The following DNAJC11 variants were observed in gnomAD, a reference collection of about 807,000 sequenced individuals.
The protein encoded by DNAJC11 is dnaJ homolog subfamily C member 11.
A neutral mutation model predicts 78.6 loss-of-function variants in DNAJC11; 15 were observed. The ratio of observed to expected loss-of-function variants is 0.19; its 90% CI spans 0.13 to 0.29. The LOEUF (loss-of-function observed/expected upper bound fraction) is 0.29. DNAJC11 is among the 10% of genes least tolerant of loss of function. The pLI, the probability that DNAJC11 is intolerant of heterozygous loss-of-function variation, is 1.00. For missense variants in DNAJC11, 547 were observed against 709.6 expected, an observed-to-expected ratio of 0.77 and a Z score of 2.60; for synonymous variants, 292 against 272.1, an observed-to-expected ratio of 1.07 and a Z score of -0.72.
At chr1:6,676,968 G>C (rs543457220) in intron 3 of DNAJC11, among the ~76,000 whole-genome samples, 87 of 152,152 alleles carry the variant, frequency 5.7e-4, no homozygotes, top group African/African-American at 2.0e-3. Flanking sequence ...GAGGTCAGGA[G>C]TTCGAGACCA....
rs148115773 is a variant in DNAJC11, at chr1:6,691,233, C to T, written c.73-10196G>A. Reference sequence around the variant, plus strand: ...GGAAGCACATCACCTGTAAGGTTTACGGGGCAGAGAAGGAATCAGGTCTTG... The same window carrying T: ...GGAAGCACATCACCTGTAAGGTTTATGGGGCAGAGAAGGAATCAGGTCTTG... On this transcript the variant is annotated intron_variant, in intron 1 of 15. Transcript: ENST00000377577. 3.7e-4 allele frequency among the ~76,000 whole-genome samples: 54 copies of T among 147,842 alleles called. 1 individual carries two copies. Among genetic ancestry groups the T allele is most frequent in the Middle Eastern group, 7.1e-3 (2 of 280 alleles).
At chr1:6,664,517 C>T (rs922576870) in intron 4 of DNAJC11, among the ~76,000 whole-genome samples, 10 of 152,114 alleles carry the variant, frequency 6.6e-5, no homozygotes, top group Non-Finnish European at 2.9e-5. Context: ...GGATTACAAG[C>T]GTGAGCCACT....
chr1:6,688,248 A>G (rs1438116909), intron 1 of DNAJC11, among the ~76,000 whole-genome samples: 1 of 152,210 alleles, frequency 6.6e-6, no homozygotes, highest in Non-Finnish European at 1.5e-5. Flanking sequence ...CTGAGGATAA[A>G]GGCATATGTT....
At chr1:6,664,633 A>G (rs1642268692) in intron 4 of DNAJC11, among the ~76,000 whole-genome samples, 1 of 152,154 alleles carries the variant, frequency 6.6e-6, no homozygotes, top group Non-Finnish European at 1.5e-5. Flanking sequence ...CCACCACCAC[A>G]TTTAGTTCTG....
chr1:6,643,428 A>G (rs1378419126), intron 10 of DNAJC11, among the ~76,000 whole-genome samples: 1 of 151,916 alleles, frequency 6.6e-6, no homozygotes, highest in African/African-American at 2.4e-5. Flanking sequence ...GGCGCCCGCC[A>G]CCACGCCCGG....
Position 6,675,226 on chromosome 1 carries a change from G to A in DNAJC11, c.276+3168C>T, listed in dbSNP as rs2294527. Among the ~76,000 whole-genome samples the A allele has an allele frequency of 3.3e-5, 5 of 151,358 alleles. No individual in the cohort carries two copies. The East Asian group carries it at 7.7e-4, about 23-fold the overall frequency. On this transcript the variant is annotated intron_variant, in intron 3 of 15. Coordinates refer to ENST00000377577, the MANE Select transcript of DNAJC11 (RefSeq NM_018198.4). ...CATATCCGAGTAAATATCTGGGGAG[G>A]TGTCTTCATTTAGTTTTCTTTGAAA...
chr1:6,680,889 A>C lies in DNAJC11; in HGVS notation c.202+19T>G, dbSNP rs1642540716. 6.2e-7 allele frequency: 1 copy of C among 1,605,298 alleles called. No homozygotes were observed. Among genetic ancestry groups the C allele is most frequent in the African/African-American group, 1.3e-5 (1 of 74,558 alleles). ...ATCTGTTACCAGGATGTTTCTACAA[A>C]GTCCGGCCCTCCACTGACCTTCATA... On this transcript the variant is annotated intron_variant, in intron 2 of 15. Transcript: ENST00000377577. This position sits in a 1 kb window ranked among gnomAD's most constrained non-coding sequence, Gnocchi z 4.0.
intron 15 of DNAJC11, 21 bp from the exon 16 acceptor site, chr1:6,635,721 G>A (rs370450796): frequency 1.1e-4 from 184 of 1,613,954 alleles, no homozygotes; most frequent in Non-Finnish European, 1.5e-4. Context: ...AAAGACAGAC[G>A]CAGGTGATCA....
intron 4 of DNAJC11, among the ~76,000 whole-genome samples, chr1:6,658,316 G>C (rs889707874): frequency 1.3e-5 from 2 of 152,220 alleles, no homozygotes; most frequent in African/African-American, 4.8e-5. Flanking sequence ...AAACGAATGA[G>C]ACAATTACTA....
chr1:6,651,689 T>C, intron 6 of DNAJC11, 87 bp from the exon 7 acceptor site: 3 of 953,206 alleles, frequency 3.1e-6, no homozygotes, highest in Non-Finnish European at 5.0e-6. Context: ...CTAGGTATAA[T>C]TCCTTCATTC....
chr1:6,652,747 T>G (rs188438305), intron 6 of DNAJC11, 82 bp downstream of exon 6: 34 of 1,582,664 alleles, frequency 2.1e-5, no homozygotes, highest in Non-Finnish European at 2.8e-5. Context: ...CAGGGTGAGT[T>G]TGAGGGTGAG....
At chr1:6,667,432 C>A (rs555136911) in intron 4 of DNAJC11, among the ~76,000 whole-genome samples, 8 of 152,030 alleles carry the variant, frequency 5.3e-5, no homozygotes, top group Admixed American at 2.0e-4. Flanking sequence ...ATCTGCTTGG[C>A]GAAACTCCCA....
At chr1:6,666,341 G>A (rs200449) in intron 4 of DNAJC11, among the ~76,000 whole-genome samples, 78,769 of 150,558 alleles carry the variant, frequency 0.52, 20,972 homozygotes, top group Admixed American at 0.62. Flanking sequence ...TTATCTTACT[G>A]TGCATCCCAG....
intron 10 of DNAJC11, among the ~76,000 whole-genome samples, chr1:6,640,798 C>G (rs886431339): frequency 6.6e-6 from 1 of 152,038 alleles, no homozygotes; most frequent in Non-Finnish European, 1.5e-5. Flanking sequence ...GCCTGGTCAA[C>G]AAGAGGAAAA....
At chr1:6,637,645 G>C in intron 12 of DNAJC11, 141 bp from the exon 13 acceptor site, 1 of 895,428 alleles carries the variant, frequency 1.1e-6, no homozygotes, top group South Asian at 1.5e-5. Flanking sequence ...CACCCTGACA[G>C]CTCTGCTACC....
intron 14 of DNAJC11, among the ~76,000 whole-genome samples, chr1:6,636,632 G>C (rs1487082787): frequency 6.6e-6 from 1 of 152,172 alleles, no homozygotes; most frequent in Non-Finnish European, 1.5e-5. Flanking sequence ...ATGAAGGCAG[G>C]CGTGTGTTCT....
intron 14 of DNAJC11, 35 bp downstream of exon 14, chr1:6,637,163 G>A: frequency 1.9e-6 from 3 of 1,613,106 alleles, no homozygotes; most frequent in Non-Finnish European, 2.5e-6. Flanking sequence ...TCAAATCTGT[G>A]AGCACATAGC....
rs761564652 is a variant in DNAJC11 at position 6,639,990 on chromosome 1, T to C, written c.1165A>G (p.Met389Val). The C allele has an allele frequency of 8.8e-6, 14 of 1,599,734 alleles. No individual in the cohort carries two copies. In the South Asian group the frequency reaches 1.5e-4, roughly 18 times the overall value. The change falls in exon 11 of 16, where the codon ATG becomes GTG. Residue 389 changes from methionine to valine, a missense_variant. Coordinates refer to ENST00000377577, the MANE Select transcript of DNAJC11 (RefSeq NM_018198.4). ...HLTDQLLPSA[M>V]FYATVGPLVV... Reference sequence around the variant, plus strand: ...AGAGGCCCCACGGTGGCATAGAACATGGCGCTGGGCAGAAGCTGGTCCGTC... The same window carrying C: ...AGAGGCCCCACGGTGGCATAGAACACGGCGCTGGGCAGAAGCTGGTCCGTC...
rs752325734 is a variant in DNAJC11, at chr1:6,694,139, A to AT, written c.72+7589dup. Among the ~76,000 whole-genome samples, 27 of 151,594 alleles carry AT rather than the reference A, an allele frequency of 1.8e-4. 1 individual carries two copies. The East Asian group carries it at 5.3e-3, about 30-fold the overall frequency. On this transcript the variant is annotated intron_variant, in intron 1 of 15. Transcript: ENST00000377577. ...GGCATGAGCTACCATGCCCAGCCCC[A>AT]TTTTTTCTAAGAGATAGTTTAATTA...
Sources: allele counts gnomAD v4.1 joint callset (sites outside exome capture counted in the v4.1 genomes callset), GRCh38; gene constraint gnomAD v4.1.1; non-coding constraint Gnocchi (gnomAD v3.1); transcripts MANE v1.5; gene names NCBI Gene and HGNC (gene_info 2026-07-23, HGNC 2026-07-21).